Variants in FHDC1 observed in about 807,000 individuals in gnomAD.
FHDC1 encodes the protein FH2 domain-containing protein 1.
In FHDC1, 25 loss-of-function variants were observed where a neutral mutation model predicts 52.6. That is an observed-to-expected ratio of 0.48 (90% confidence interval 0.35 to 0.66). The LOEUF (loss-of-function observed/expected upper bound fraction) is 0.66, where lower values mean the gene tolerates loss of function less well. Among genes scored for constraint, FHDC1 ranks in the 30% least tolerant of loss-of-function variants. FHDC1 has a pLI of 0.01. For synonymous variants in FHDC1, 616 were observed against 581.5 expected (o/e 1.06, Z -0.85); for missense variants, 1,459 against 1,452.8 (o/e 1.00, Z -0.07).
At chr4:152,943,580 A>C in intron 2 of FHDC1, 25 bp downstream of exon 2, 2 of 1,593,928 alleles carry the variant, frequency 1.3e-6, no homozygotes, top group Non-Finnish European at 1.7e-6. Context: ...TGGAGGGCTA[A>C]TCCTCCACAC....
chr4:152,936,794 A>G (rs1449528054), intron 1 of FHDC1, among the ~76,000 whole-genome samples: 1 of 152,220 alleles, frequency 6.6e-6, no homozygotes, highest in Non-Finnish European at 1.5e-5. Flanking sequence ...TTTCAGATCA[A>G]CCGCCCCCTA....
At chr4:152,928,963 T>G in the FHDC1 span, among the ~76,000 whole-genome samples, 1 of 151,994 alleles carries the variant, frequency 6.6e-6, no homozygotes, top group Non-Finnish European at 1.5e-5. Context: ...TAGTTTAAGA[T>G]TCTAAATTTT....
At chr4:152,933,729 CAAAAAAAAAAA>C (rs70949623), upstream of FHDC1, among the ~76,000 whole-genome samples, 1 of 60,804 alleles carries the variant, frequency 1.6e-5, no homozygotes, top group Admixed American at 2.0e-4. Context: ...GACCCCGTCT[CAAAAAAAAAAA>C]AAAAAAAAAA....
intron 2 of FHDC1, among the ~76,000 whole-genome samples, chr4:152,947,947 C>G (rs1739784064): frequency 6.6e-6 from 1 of 152,142 alleles, no homozygotes; most frequent in African/African-American, 2.4e-5. Context: ...TGTTATGATG[C>G]CGGTATGTTC....
the FHDC1 span, among the ~76,000 whole-genome samples, chr4:152,918,683 C>A: frequency 1.1e-4 from 16 of 152,198 alleles, no homozygotes; most frequent in African/African-American, 3.9e-4. Context: ...TTCAGTCCAA[C>A]ACTGAGCCAC....
intron 6 of FHDC1, among the ~76,000 whole-genome samples, chr4:152,961,927 G>A (rs1220422472): frequency 6.6e-6 from 1 of 152,144 alleles, no homozygotes; most frequent in East Asian, 1.9e-4. Flanking sequence ...TTGTGGGCAT[G>A]GTAGAAACAT....
upstream of FHDC1, among the ~76,000 whole-genome samples, chr4:152,935,647 G>A (rs1335528961): frequency 1.3e-5 from 2 of 152,034 alleles, no homozygotes; most frequent in African/African-American, 4.8e-5. Flanking sequence ...AATAAAAAAC[G>A]GTAACAAATT....
At chr4:152,931,797 C>T (rs1011574834), upstream of FHDC1, among the ~76,000 whole-genome samples, 17 of 151,832 alleles carry the variant, frequency 1.1e-4, no homozygotes, top group African/African-American at 3.1e-4. Flanking sequence ...GGTAGCTGGG[C>T]GTGGTGGCAT....
intron 2 of FHDC1, among the ~76,000 whole-genome samples, chr4:152,950,436 T>A (rs1739891243): frequency 6.6e-6 from 1 of 152,224 alleles, no homozygotes; most frequent in Non-Finnish European, 1.5e-5. Context: ...ATTTTAATGT[T>A]GTTTGGGTGA....
chr4:152,946,367 G>A (rs894635451), intron 2 of FHDC1, among the ~76,000 whole-genome samples: 1 of 152,204 alleles, frequency 6.6e-6, no homozygotes, highest in Non-Finnish European at 1.5e-5. Context: ...AGGTAATGCT[G>A]TCACATAACA....
At chr4:152,928,364 A>G in the FHDC1 span, among the ~76,000 whole-genome samples, 1 of 152,132 alleles carries the variant, frequency 6.6e-6, no homozygotes, top group Non-Finnish European at 1.5e-5. Context: ...AATGTGCTAG[A>G]ATCCATCTGT....
At chr4:152,952,793 G>A (rs1739967514) in intron 2 of FHDC1, among the ~76,000 whole-genome samples, 1 of 152,124 alleles carries the variant, frequency 6.6e-6, no homozygotes, top group Non-Finnish European at 1.5e-5. Context: ...AACTTACGAT[G>A]GGGCTGCATC....
At chr4:152,957,379 G>C (rs1740129283) in intron 4 of FHDC1, among the ~76,000 whole-genome samples, 1 of 152,190 alleles carries the variant, frequency 6.6e-6, no homozygotes, top group Admixed American at 6.5e-5. Flanking sequence ...TTGCAGCAAT[G>C]TTTTAAGACA....
chr4:152,934,719 G>A (rs952143851), upstream of FHDC1, among the ~76,000 whole-genome samples: 1 of 152,194 alleles, frequency 6.6e-6, no homozygotes, highest in Non-Finnish European at 1.5e-5. Context: ...GAAGCATAGA[G>A]AAGGCCTTAG....
At position 152,976,039 on chromosome 4, in the gene FHDC1, C is replaced by G; in HGVS notation, c.2748C>G (p.Gly916=). The G allele has an allele frequency of 6.4e-7, 1 of 1,571,848 alleles. No homozygotes were observed. The highest frequency in any genetic ancestry group is 8.6e-7 in the Non-Finnish European group (1 of 1,163,154). Residue 916 remains glycine, a synonymous_variant, in exon 12 of 12, where the codon GGC becomes GGG. Transcript: ENST00000511601. The part of the protein sequence containing the change: ...MPITKSSRGA[G]WRRPELSSRG... ...TCACCAAGTCCAGCAGAGGCGCCGGCTGGAGGCGACCAGAGCTGTCATCCC... is the reference window on the plus strand; with the variant it reads ...TCACCAAGTCCAGCAGAGGCGCCGGGTGGAGGCGACCAGAGCTGTCATCCC...
At chr4:152,951,650 G>A (rs1050080596) in intron 2 of FHDC1, among the ~76,000 whole-genome samples, 1 of 152,120 alleles carries the variant, frequency 6.6e-6, no homozygotes, top group Non-Finnish European at 1.5e-5. Flanking sequence ...CAGAGATCAG[G>A]AATTTAGCCT....
chr4:152,968,348 G>A (rs1161389459), intron 10 of FHDC1, among the ~76,000 whole-genome samples: 1 of 151,514 alleles, frequency 6.6e-6, no homozygotes, highest in East Asian at 1.9e-4. Context: ...TGTCTTGAGA[G>A]GGAGTCTTGC....
At chr4:152,956,299 T>A (rs956977448) in intron 4 of FHDC1, among the ~76,000 whole-genome samples, 1 of 152,172 alleles carries the variant, frequency 6.6e-6, no homozygotes, top group African/African-American at 2.4e-5. Context: ...GAGGATCAGA[T>A]TTGACAGCGC....
intron 1 of FHDC1, among the ~76,000 whole-genome samples, chr4:152,937,833 G>T (rs1739441756): frequency 6.6e-6 from 1 of 152,130 alleles, no homozygotes; most frequent in South Asian, 2.1e-4. Flanking sequence ...CCCCAGCGCG[G>T]CTCCCCGGGG....
Sources: gnomAD v4.1 joint callset for allele counts (sites outside exome capture counted in the v4.1 genomes callset) on GRCh38, gnomAD v4.1.1 for gene constraint, MANE v1.5 for transcripts, NCBI Gene and HGNC (gene_info 2026-07-23, HGNC 2026-07-21) for gene names.